Variants in BTBD9 observed in about 807,000 individuals in gnomAD.
BTBD9 encodes BTB/POZ domain-containing protein 9.
In BTBD9, 49 loss-of-function variants were observed where a neutral mutation model predicts 64.3. The ratio of observed to expected loss-of-function variants is 0.76; its 90% CI spans 0.61 to 0.97. BTBD9 has a LOEUF of 0.97. Among genes scored for constraint, BTBD9 ranks in the 50% least tolerant of loss-of-function variants. The probability of loss-of-function intolerance (pLI) is 0.00; values close to 1 mark genes in which losing one functional copy is unlikely to be tolerated. For missense variants in BTBD9, 598 were observed against 762.1 expected (o/e 0.78, Z 2.53); for synonymous variants, 260 against 274.7 (o/e 0.95, Z 0.53).
At chr6:38,305,125 A>G (rs1762579754) in intron 7 of BTBD9, among the ~76,000 whole-genome samples, 1 of 152,228 alleles carries the variant, frequency 6.6e-6, no homozygotes. Flanking sequence ...CTTGCTTAAC[A>G]TAGTTCTTTA....
At chr6:38,505,049 T>G (rs1049054337) in intron 6 of BTBD9, among the ~76,000 whole-genome samples, 6 of 152,214 alleles carry the variant, frequency 3.9e-5, no homozygotes, top group African/African-American at 1.4e-4. Flanking sequence ...CCTGAAGCAC[T>G]ACCTCTCAGC....
intron 1 of BTBD9, among the ~76,000 whole-genome samples, chr6:38,616,553 C>G (rs940032932): frequency 3.3e-5 from 5 of 152,034 alleles, no homozygotes; most frequent in African/African-American, 1.2e-4. Context: ...AGCTGGACTT[C>G]CTGGGTCGGA....
chr6:38,540,962 C>G (rs143299807), intron 6 of BTBD9, among the ~76,000 whole-genome samples: 3 of 152,320 alleles, frequency 2.0e-5, no homozygotes, highest in African/African-American at 7.2e-5. Context: ...ATCACCTTCC[C>G]ATGGTCTGTA....
At chr6:38,530,123 C>T (rs749150965) in intron 6 of BTBD9, among the ~76,000 whole-genome samples, 7 of 152,146 alleles carry the variant, frequency 4.6e-5, no homozygotes, top group Non-Finnish European at 7.4e-5. Context: ...GACTGAGATA[C>T]GCCCTGGTCT....
At chr6:38,237,729 A>G (rs1763827467) in intron 9 of BTBD9, among the ~76,000 whole-genome samples, 1 of 152,200 alleles carries the variant, frequency 6.6e-6, no homozygotes, top group South Asian at 2.1e-4. Context: ...GCTGAATCTT[A>G]TGGTATTTCA....
At chr6:38,396,948 C>A (rs1435186641) in intron 6 of BTBD9, among the ~76,000 whole-genome samples, 6 of 137,488 alleles carry the variant, frequency 4.4e-5, no homozygotes, top group Non-Finnish European at 9.0e-5. Context: ...GTCGTCCAGC[C>A]TGGAGTGTAG....
chr6:38,287,769 C>T (rs9394487), intron 8 of BTBD9, among the ~76,000 whole-genome samples: 10,407 of 152,126 alleles, frequency 0.068, 943 homozygotes, highest in East Asian at 0.39. Flanking sequence ...ACCAGTCTCA[C>T]GTTTAAAAAT....
intron 6 of BTBD9, among the ~76,000 whole-genome samples, chr6:38,426,100 A>G (rs1288020568): frequency 6.6e-6 from 1 of 151,934 alleles, no homozygotes; most frequent in East Asian, 1.9e-4. Flanking sequence ...AGCTGCTTCA[A>G]GCCTGTTCCC....
chr6:38,246,591 T>C (rs1246363467), intron 9 of BTBD9, among the ~76,000 whole-genome samples: 2 of 148,940 alleles, frequency 1.3e-5, no homozygotes, highest in Admixed American at 6.7e-5. Context: ...TTAACACCAA[T>C]GTTTGCCCTT....
chr6:38,405,564 G>C (rs1359532984), intron 6 of BTBD9, among the ~76,000 whole-genome samples: 1 of 151,574 alleles, frequency 6.6e-6, no homozygotes, highest in African/African-American at 2.4e-5. Context: ...ATAAGCTCCT[G>C]CAAAAACACA....
chr6:38,630,397 T>C (rs981177814), intron 1 of BTBD9, among the ~76,000 whole-genome samples: 3 of 152,210 alleles, frequency 2.0e-5, no homozygotes, highest in Admixed American at 2.0e-4. Flanking sequence ...GCTACAACGA[T>C]AGTATTTAAT....
intron 6 of BTBD9, among the ~76,000 whole-genome samples, chr6:38,475,443 C>T (rs868368868): frequency 2.0e-5 from 3 of 152,166 alleles, no homozygotes; most frequent in African/African-American, 7.2e-5. Context: ...ATAGCATATT[C>T]CTGCTCTGCA....
chr6:38,592,431 A>G (rs538839318), intron 4 of BTBD9, 145 bp downstream of exon 4: 15 of 871,166 alleles, frequency 1.7e-5, no homozygotes, highest in Admixed American at 8.2e-5. Flanking sequence ...AATGAAAGGG[A>G]AAGACATTCC....
chr6:38,546,781 G>A (rs1334482919), intron 6 of BTBD9, among the ~76,000 whole-genome samples: 2 of 152,130 alleles, frequency 1.3e-5, no homozygotes, highest in Non-Finnish European at 2.9e-5. Context: ...TGATTCTCCT[G>A]CCTCAGCCTC....
At chr6:38,627,654 G>A (rs1778218080) in intron 1 of BTBD9, among the ~76,000 whole-genome samples, 1 of 152,032 alleles carries the variant, frequency 6.6e-6, no homozygotes, top group South Asian at 2.1e-4. Flanking sequence ...GGTCAGGATG[G>A]GAGGGCGACT....
chr6:38,556,722 TA>T (rs1380768467), intron 6 of BTBD9, among the ~76,000 whole-genome samples: 2 of 151,572 alleles, frequency 1.3e-5, no homozygotes, highest in Non-Finnish European at 2.9e-5. Context: ...ACTGTGTGTT[TA>T]AAAAGACCTT....
At chr6:38,303,476 T>G (rs1351688178) in intron 7 of BTBD9, among the ~76,000 whole-genome samples, 2 of 152,114 alleles carry the variant, frequency 1.3e-5, no homozygotes, top group Non-Finnish European at 2.9e-5. Flanking sequence ...ACCAGAAAGA[T>G]GGTAAGCCTC....
intron 6 of BTBD9, among the ~76,000 whole-genome samples, chr6:38,461,824 T>C (rs1356626519): frequency 6.6e-6 from 1 of 152,222 alleles, no homozygotes; most frequent in Non-Finnish European, 1.5e-5. Context: ...TCACATCCTC[T>C]CCAACATTTG....
chr6:38,527,250 C>A (rs190769856), intron 6 of BTBD9, among the ~76,000 whole-genome samples: 2 of 113,580 alleles, frequency 1.8e-5, no homozygotes, highest in Non-Finnish European at 3.3e-5. Flanking sequence ...CACTCCAGAG[C>A]GAGACTCTGT....
Sources: allele counts gnomAD v4.1 joint callset (sites outside exome capture counted in the v4.1 genomes callset), GRCh38; gene constraint gnomAD v4.1.1; transcripts MANE v1.5; gene names NCBI Gene and HGNC (gene_info 2026-07-23, HGNC 2026-07-21).